The following FZD3 variants were observed in gnomAD, a reference collection of about 807,000 sequenced individuals.
FZD3 encodes frizzled-3.
Under a neutral mutation model 60.7 loss-of-function variants are expected in FZD3, and 30 were observed. That is an observed-to-expected ratio of 0.49 (90% CI 0.37 to 0.67). The LOEUF is 0.67. Among genes scored for constraint, FZD3 ranks in the 30% least tolerant of loss-of-function variants. The pLI, the probability that FZD3 is intolerant of heterozygous loss-of-function variation, is 0.00. For missense variants in FZD3, 605 were observed against 838.7 expected, an observed-to-expected ratio of 0.72 and a Z score of 3.44; for synonymous variants, 246 against 275.2, an observed-to-expected ratio of 0.89 and a Z score of 1.05.
At chr8:28,526,283 A>T (rs1375078482) in intron 4 of FZD3, among the ~76,000 whole-genome samples, 1 of 152,144 alleles carries the variant, frequency 6.6e-6, no homozygotes, top group African/African-American at 2.4e-5. Flanking sequence ...TTTATATTCC[A>T]GCAATAACAC....
intron 3 of FZD3, among the ~76,000 whole-genome samples, chr8:28,504,227 A>G (rs774501402): frequency 5.9e-5 from 9 of 152,178 alleles, no homozygotes; most frequent in African/African-American, 1.4e-4. Flanking sequence ...ATATATTCCA[A>G]ATATTTGAAA....
chr8:28,527,575 A>G lies in FZD3; in HGVS notation c.815A>G (p.Tyr272Cys), dbSNP rs973293443. 6.2e-6 allele frequency: 10 copies of G among 1,613,964 alleles called. No homozygotes were observed. The highest frequency in any genetic ancestry group is 7.6e-6 in the Non-Finnish European group (9 of 1,179,950). ...VACNASIPAQ[Y>C]KASTVTQGSH... ...TGCAATGCATCCATCCCTGCACAAT[A>G]TAAGGCTTCCACAGTGACACAAGGA... Residue 272 changes from tyrosine to cysteine, a missense_variant, in exon 5 of 8, where the codon TAT becomes TGT. Physicochemically the swap from Tyr to Cys is radical, Grantham distance 194 (BLOSUM62 -2). Transcript: ENST00000240093. The surrounding 1 kb of genome is among the most constrained non-coding windows in gnomAD (Gnocchi z 5.0).
intron 7 of FZD3, among the ~76,000 whole-genome samples, chr8:28,558,127 C>G (rs993357331): frequency 6.6e-6 from 1 of 152,148 alleles, no homozygotes; most frequent in Non-Finnish European, 1.5e-5. Flanking sequence ...GGAATTCATA[C>G]TGAGGAGTTT....
At chr8:28,519,681 G>T (rs1804521499) in intron 3 of FZD3, among the ~76,000 whole-genome samples, 1 of 149,936 alleles carries the variant, frequency 6.7e-6, no homozygotes, top group Non-Finnish European at 1.5e-5. Flanking sequence ...GGTGAGCCGA[G>T]ATCCTGTCAC....
intron 5 of FZD3, among the ~76,000 whole-genome samples, chr8:28,528,826 A>G (rs1023684547): frequency 3.3e-5 from 5 of 152,194 alleles, no homozygotes; most frequent in African/African-American, 1.2e-4. Flanking sequence ...TCTTAGATAA[A>G]TGTAGTCAAG....
chr8:28,528,473 T>C (rs567081302), intron 5 of FZD3, among the ~76,000 whole-genome samples: 126 of 152,258 alleles, frequency 8.3e-4, no homozygotes, highest in Admixed American at 2.5e-3. Context: ...TACCAACGTT[T>C]ATAAAAATTT....
intron 5 of FZD3, among the ~76,000 whole-genome samples, chr8:28,537,682 T>G (rs1054700483): frequency 9.2e-5 from 14 of 152,260 alleles, no homozygotes; most frequent in African/African-American, 3.1e-4. Context: ...AGTATTATTC[T>G]ATGTCATCTT....
At chr8:28,522,265 A>G (rs1804600737) in intron 4 of FZD3, among the ~76,000 whole-genome samples, 1 of 151,908 alleles carries the variant, frequency 6.6e-6, no homozygotes, top group Non-Finnish European at 1.5e-5. Context: ...CATTATAACA[A>G]AATGACATTG....
chr8:28,525,400 C>T (rs1191904187), intron 4 of FZD3, among the ~76,000 whole-genome samples: 4 of 152,042 alleles, frequency 2.6e-5, no homozygotes, highest in Non-Finnish European at 5.9e-5. Flanking sequence ...TTGGAGAAGG[C>T]CTTATTGATA....
At chr8:28,514,502 T>C (rs1349951281) in intron 3 of FZD3, among the ~76,000 whole-genome samples, 1 of 152,196 alleles carries the variant, frequency 6.6e-6, no homozygotes, top group East Asian at 1.9e-4. Context: ...AGCATTTCCA[T>C]CACCTGAAAA....
chr8:28,537,532 A>C (rs955257503), intron 5 of FZD3, among the ~76,000 whole-genome samples: 1 of 35,138 alleles, frequency 2.8e-5, no homozygotes, highest in Admixed American at 3.5e-4. Context: ...GCTATGGTAC[A>C]ACTACTCAGC....
chr8:28,510,313 C>T lies in FZD3; in HGVS notation c.189+7111C>T, dbSNP rs141418957. Among the ~76,000 whole-genome samples the T allele has an allele frequency of 9.9e-5, 15 of 152,222 alleles. No homozygotes were observed. The East Asian group carries it at 2.7e-3, about 27-fold the overall frequency. On this transcript the variant is annotated intron_variant, in intron 3 of 7. Coordinates refer to ENST00000240093, the MANE Select transcript of FZD3 (RefSeq NM_017412.4). ...TTGCAAGTGTGTTTTCACATTTTGA[C>T]TAGTGTATTTTTGGGATAGGTTCCT...
In FZD3 at chr8:28,494,333, CG is replaced by C. The variant is rs1395700806; in HGVS notation, c.-397del. The C allele has an allele frequency of 6.6e-6, 1 of 151,776 alleles. No individual in the cohort carries two copies. Among genetic ancestry groups the C allele is most frequent in the Middle Eastern group, 3.2e-3 (1 of 314 alleles). The allele number at this position is 151,776 out of a possible 1,614,324, so 9.4% of individuals were successfully genotyped here. A position where few individuals can be genotyped will look rare whatever the true frequency, so the allele number is the denominator to read the frequency against. The stretch of plus-strand genomic sequence containing the variant: ...CCCCCCACCCCTTGGAGCCAGGCGC[CG>C]GGGTCTGAGGTGAGCCCCGCGAAGC... On this transcript the variant is annotated 5_prime_UTR_variant, in exon 1 of 8. Transcript: ENST00000240093.
chr8:28,520,149 G>T (rs1327913538), intron 3 of FZD3, among the ~76,000 whole-genome samples: 2 of 150,804 alleles, frequency 1.3e-5, no homozygotes, highest in East Asian at 1.9e-4. Flanking sequence ...GGCAGAGGTT[G>T]CAGTGAGCTG....
At chr8:28,553,388 T>TAA (rs1365213115) in intron 6 of FZD3, among the ~76,000 whole-genome samples, 5 of 152,244 alleles carry the variant, frequency 3.3e-5, no homozygotes, top group Non-Finnish European at 7.3e-5. Context: ...TTATGGGATT[T>TAA]ACTGTGATTT....
intron 1 of FZD3, among the ~76,000 whole-genome samples, chr8:28,494,985 CT>C (rs1329641575): frequency 6.6e-6 from 1 of 152,190 alleles, no homozygotes; most frequent in Non-Finnish European, 1.5e-5. Flanking sequence ...CCCCGGCTGC[CT>C]CCTCCGCGGG....
chr8:28,536,967 T>C (rs1805032310), intron 5 of FZD3, among the ~76,000 whole-genome samples: 1 of 152,162 alleles, frequency 6.6e-6, no homozygotes, highest in Non-Finnish European at 1.5e-5. Context: ...CTGCCAACAT[T>C]AGACAATGAG....
At chr8:28,522,767 CTTTTTTTT>C (rs35662589) in intron 4 of FZD3, among the ~76,000 whole-genome samples, 1 of 96,872 alleles carries the variant, frequency 1.0e-5, no homozygotes, top group Non-Finnish European at 2.0e-5. Context: ...AGGGAACTTT[CTTTTTTTT>C]TTTTTTTTTT....
chr8:28,562,305 C>A (rs1372987051), intron 7 of FZD3, among the ~76,000 whole-genome samples: 1 of 151,674 alleles, frequency 6.6e-6, no homozygotes, highest in African/African-American at 2.4e-5. Context: ...CCAGTTTATT[C>A]ATTTTTTTTT....
Sources: gnomAD v4.1 joint callset for allele counts (sites outside exome capture counted in the v4.1 genomes callset) on GRCh38, gnomAD v4.1.1 for gene constraint, Gnocchi (gnomAD v3.1) non-coding constraint, MANE v1.5 for transcripts, NCBI Gene and HGNC (gene_info 2026-07-23, HGNC 2026-07-21) for gene names.